ASAP2: variants seen among roughly 807,000 people sequenced by gnomAD.
ASAP2 encodes ArfGAP with SH3 domain, ankyrin repeat and PH domain 2.
A neutral mutation model predicts 131.4 loss-of-function variants in ASAP2; 45 were observed. That is an observed-to-expected ratio of 0.34 (90% CI 0.27 to 0.44). The LOEUF (loss-of-function observed/expected upper bound fraction) is 0.44. Ranked by LOEUF, ASAP2 falls within the 20% of genes least tolerant of loss-of-function variation. The pLI, the probability that ASAP2 is intolerant of heterozygous loss-of-function variation, is 1.00. For missense variants in ASAP2, 1,011 were observed against 1,297.0 expected (o/e 0.78, Z 3.39); for synonymous variants, 510 against 503.0 (o/e 1.01, Z -0.19).
chr2:9,347,464 T>C (rs1240879402), intron 11 of ASAP2, among the ~76,000 whole-genome samples: 2 of 152,198 alleles, frequency 1.3e-5, no homozygotes, highest in African/African-American at 4.8e-5. Flanking sequence ...AAGACTTGAT[T>C]AAGTGGAAGT....
chr2:9,239,468 G>T (rs1663787860), intron 1 of ASAP2, among the ~76,000 whole-genome samples: 1 of 152,112 alleles, frequency 6.6e-6, no homozygotes, highest in Admixed American at 6.5e-5. Context: ...TGGAGGGGTG[G>T]TGGTGGGGGG....
rs116295232 is a variant in ASAP2, at chr2:9,364,413, G to A, written c.1462-4012G>A. 4.4e-3 allele frequency among the ~76,000 whole-genome samples: 667 copies of A among 152,204 alleles called. 6 individuals are homozygous for A. The highest frequency in any genetic ancestry group is 0.015 in the African/African-American group (610 of 41,528). On this transcript the variant is annotated intron_variant, in intron 15 of 27. Coordinates refer to ENST00000281419, the MANE Select transcript of ASAP2 (RefSeq NM_003887.3). ...TCCTAGCTATCAGGGAGGCTGAGGT[G>A]GGAGAATCACCTGAGCCCAGGAGGT...
In ASAP2 at chr2:9,344,461, C is replaced by A. The variant is rs897514775; in HGVS notation, c.850-71C>A. The stretch of plus-strand genomic sequence containing the variant: ...AAAAAAACACATTAGGCATAAGTTT[C>A]CTTTGTGTACTGCTTTTCTAAAAAT... On this transcript the variant is annotated intron_variant, in intron 9 of 27. Coordinates refer to ENST00000281419, the MANE Select transcript of ASAP2 (RefSeq NM_003887.3). 9.8e-6 allele frequency: 13 copies of A among 1,331,320 alleles called. No individual in the cohort carries two copies. In the African/African-American group the frequency reaches 1.9e-4, roughly 20 times the overall value. The allele number at this position is 1,331,320 out of a possible 1,614,324, so 82.5% of individuals were successfully genotyped here. A position where few individuals can be genotyped will look rare whatever the true frequency, so the allele number is the denominator to read the frequency against.
chr2:9,305,885 A>G (rs1323712079), intron 3 of ASAP2, among the ~76,000 whole-genome samples: 1 of 140,060 alleles, frequency 7.1e-6, no homozygotes, highest in African/African-American at 2.7e-5. Context: ...TGGGGTATAG[A>G]TATTGGTTGA....
Position 9,207,694 on chromosome 2 carries a change from T to C in ASAP2, c.126+464T>C, listed in dbSNP as rs1353909682. Among the ~76,000 whole-genome samples the C allele has an allele frequency of 6.6e-6, 1 of 151,828 alleles. No individual in the cohort carries two copies. The highest frequency in any genetic ancestry group is 2.4e-5 in the African/African-American group (1 of 41,360). On this transcript the variant is annotated intron_variant, in intron 1 of 27. Transcript: ENST00000281419. The surrounding 1 kb of genome is among the most constrained non-coding windows in gnomAD (Gnocchi z 4.1). ...GCGCCGCAGGGCCCCCACCCTCGGG[T>C]CCGCGGGTCCGGGGCATCCCGGGCT... is the stretch of plus-strand genomic sequence containing the variant.
At chr2:9,221,326 T>C (rs1662403622) in intron 1 of ASAP2, among the ~76,000 whole-genome samples, 1 of 149,450 alleles carries the variant, frequency 6.7e-6, no homozygotes, top group African/African-American at 2.4e-5. Flanking sequence ...TTCTTTTCTT[T>C]TTTTTTTTTT....
chr2:9,309,055 T>TC (rs1271457598), intron 3 of ASAP2, among the ~76,000 whole-genome samples: 2 of 152,114 alleles, frequency 1.3e-5, no homozygotes, highest in South Asian at 4.2e-4. Flanking sequence ...AGAGCGCACT[T>TC]CCCCCAGGTC....
At chr2:9,351,025 T>G (rs1672298756) in intron 12 of ASAP2, 130 bp downstream of exon 12, 1 of 640,928 alleles carries the variant, frequency 1.6e-6, no homozygotes. Context: ...TTTCTAGTGA[T>G]ATGCGTGCTT....
intron 1 of ASAP2, among the ~76,000 whole-genome samples, chr2:9,218,089 A>G (rs1240189348): frequency 6.6e-6 from 1 of 152,138 alleles, no homozygotes; most frequent in Non-Finnish European, 1.5e-5. Flanking sequence ...CACAACCAGC[A>G]TTTGATAGAG....
chr2:9,295,870 TC>T (rs1342984526), intron 2 of ASAP2, among the ~76,000 whole-genome samples: 1 of 152,156 alleles, frequency 6.6e-6, no homozygotes, highest in Non-Finnish European at 1.5e-5. Context: ...ACATGGTGCT[TC>T]CCCCATAGGA....
At chr2:9,219,883 C>T (rs946199826) in intron 1 of ASAP2, among the ~76,000 whole-genome samples, 1 of 152,160 alleles carries the variant, frequency 6.6e-6, no homozygotes. Flanking sequence ...TACCCGAGTC[C>T]TTGGCAGTCA....
At chr2:9,366,813 A>G (rs982646467) in intron 15 of ASAP2, among the ~76,000 whole-genome samples, 1 of 152,130 alleles carries the variant, frequency 6.6e-6, no homozygotes, top group African/African-American at 2.4e-5. Flanking sequence ...GCTACCCCAC[A>G]TAATTCTTCT....
intron 1 of ASAP2, among the ~76,000 whole-genome samples, chr2:9,241,706 A>C (rs994561320): frequency 3.9e-5 from 6 of 152,196 alleles, no homozygotes; most frequent in Admixed American, 3.9e-4. Flanking sequence ...TATGTACTGT[A>C]ATTTTCCTAT....
chr2:9,346,940 C>T (rs4294977), intron 11 of ASAP2, among the ~76,000 whole-genome samples: 139,910 of 152,304 alleles, frequency 0.92, 65,186 homozygotes, highest in Non-Finnish European at 1. Flanking sequence ...CAGTTTTTGG[C>T]AGATAGTACG....
chr2:9,294,124 G>A lies in ASAP2; in HGVS notation c.200-3176G>A, dbSNP rs57008254. Among the ~76,000 whole-genome samples, 799 of 151,332 alleles carry A rather than the reference G, an allele frequency of 5.3e-3. 5 individuals are homozygous for A. The highest frequency in any genetic ancestry group is 0.017 in the African/African-American group (701 of 41,184). ...AGTGATTCTCCTGCCTCAGCCTCCC[G>A]AGTAGCTGGAATTACAGGCATGTGC... On this transcript the variant is annotated intron_variant, in intron 2 of 27. Coordinates refer to ENST00000281419, the MANE Select transcript of ASAP2 (RefSeq NM_003887.3).
At chr2:9,306,152 A>G (rs1263219993) in intron 3 of ASAP2, among the ~76,000 whole-genome samples, 1 of 93,302 alleles carries the variant, frequency 1.1e-5, no homozygotes, top group Non-Finnish European at 2.1e-5. Context: ...GGGTGTAGAC[A>G]TGGGGTGGAG....
chr2:9,393,353 A>T, intron 23 of ASAP2, 129 bp from the exon 24 acceptor site: 1 of 833,522 alleles, frequency 1.2e-6, no homozygotes, highest in Non-Finnish European at 1.8e-6. Flanking sequence ...GCAAGGAAAT[A>T]GCAGCAGGTT....
In ASAP2 at chr2:9,207,035, C is replaced by A; in HGVS notation, c.-70C>A. The A allele has an allele frequency of 4.1e-6, 5 of 1,227,708 alleles. No individual in the cohort carries two copies. The South Asian group carries it at 1.0e-4, about 25-fold the overall frequency. 76.1% of individuals were successfully genotyped at this position (1,227,708 alleles called of 1,614,324 possible). A position where few individuals can be genotyped will look rare whatever the true frequency, so the allele number is the denominator to read the frequency against. ...GCAGCGGCGGTGTCCGAGCGGCGGTCGGAGCCTGCTGCGGCAGTTGAGGCG... is the reference window on the plus strand; with the variant it reads ...GCAGCGGCGGTGTCCGAGCGGCGGTAGGAGCCTGCTGCGGCAGTTGAGGCG... On this transcript the variant is annotated 5_prime_UTR_variant, in exon 1 of 28. Coordinates refer to ENST00000281419, the MANE Select transcript of ASAP2 (RefSeq NM_003887.3). The surrounding 1 kb of genome is among the most constrained non-coding windows in gnomAD (Gnocchi z 4.1).
At chr2:9,242,929 A>G (rs947756078) in intron 1 of ASAP2, among the ~76,000 whole-genome samples, 2 of 152,062 alleles carry the variant, frequency 1.3e-5, no homozygotes, top group Admixed American at 1.3e-4. Flanking sequence ...AGTAACAACA[A>G]ATTTTTGCTC....
Sources: gnomAD v4.1 joint callset for allele counts (sites outside exome capture counted in the v4.1 genomes callset) on GRCh38, gnomAD v4.1.1 for gene constraint, Gnocchi (gnomAD v3.1) non-coding constraint, MANE v1.5 for transcripts, NCBI Gene and HGNC (gene_info 2026-07-23, HGNC 2026-07-21) for gene names.